Variants in SPTA1 observed in about 807,000 individuals in gnomAD.
SPTA1 encodes the protein spectrin alpha chain, erythrocytic 1.
SPTA1 carries 177 observed loss-of-function variants against 324.7 expected under a neutral mutation model. The observed-to-expected ratio is 0.55, with a 90% CI of 0.48 to 0.62. SPTA1 has a LOEUF of 0.62. SPTA1 is among the 20% of genes least tolerant of loss of function. The pLI is 0.00. For synonymous variants in SPTA1, 1,195 were observed against 1,041.3 expected (o/e 1.15, Z -2.84); for missense variants, 3,162 against 2,883.6 (o/e 1.10, Z -2.21).
chr1:158,673,332 T>A (rs1387023131), intron 10 of SPTA1, among the ~76,000 whole-genome samples: 1 of 152,152 alleles, frequency 6.6e-6, no homozygotes, highest in Non-Finnish European at 1.5e-5. Context: ...TGGCATCTAG[T>A]GAGATGCAAA....
At chr1:158,672,778 C>T (rs1210234088) in intron 10 of SPTA1, among the ~76,000 whole-genome samples, 1 of 151,964 alleles carries the variant, frequency 6.6e-6, no homozygotes, top group Non-Finnish European at 1.5e-5. Context: ...CTTGTTACAC[C>T]TGCAGCTGTA....
chr1:158,669,299 T>C, intron 14 of SPTA1, 109 bp downstream of exon 14: 1 of 1,456,406 alleles, frequency 6.9e-7, no homozygotes, highest in Non-Finnish European at 9.6e-7. Context: ...TTGTCATCTA[T>C]AAAATGAGGA....
rs1167071464 is a variant in SPTA1, at chr1:158,615,245, T to C, written c.6759A>G (p.Gln2253=). The change falls in exon 48 of 52, where the codon CAA becomes CAG. Residue 2253 remains glutamine (Q), a synonymous_variant. Coordinates refer to ENST00000643759, the MANE Select transcript of SPTA1 (RefSeq NM_003126.4). ...CCTGGATCTGTTGCTCCAGGTTGTG[T>C]TGCATCCGCAACCCAAGCTGGTAGA... ...DQLYQLGLRM[Q]HNLEQQIQAK... 19 of 1,613,512 alleles carry C rather than the reference T, an allele frequency of 1.2e-5. No individual in the cohort carries two copies. Among genetic ancestry groups the C allele is most frequent in the Non-Finnish European group, 1.5e-5 (18 of 1,180,008 alleles).
In SPTA1 at chr1:158,657,518, C is replaced by CT; in HGVS notation, c.2763_2764insA (p.Val922SerfsTer3). On this transcript the variant is annotated frameshift_variant, in exon 19 of 52. Transcript: ENST00000643759. LOFTEE classifies it high-confidence loss of function. ...TCAGCACCATAGTTAGTATTATCTA[C>CT]AATAGGTTCCTTCTCTCTGATCCAT... is the stretch of plus-strand genomic sequence containing the variant. 1 of 1,449,148 alleles carries CT rather than the reference C, an allele frequency of 6.9e-7. No individual in the cohort carries two copies. Among genetic ancestry groups the CT allele is most frequent in the Non-Finnish European group, 9.3e-7 (1 of 1,071,056 alleles). 89.8% of individuals were successfully genotyped at this position (1,449,148 alleles called of 1,614,324 possible).
chr1:158,686,565 G>GAGAT lies in SPTA1; in HGVS notation c.-49_-48insATCT. On this transcript the variant is annotated 5_prime_UTR_variant, in exon 1 of 52. An upstream open reading frame in the 5' UTR gains an earlier in-frame stop. Coordinates refer to ENST00000643759, the MANE Select transcript of SPTA1 (RefSeq NM_003126.4). ...GGCAAGATAAAATGTGTCAGAGAGA[G>GAGAT]AGAGAGAGAGAAATAATTCAAATGG... 2 of 1,430,446 alleles carry GAGAT rather than the reference G, an allele frequency of 1.4e-6. No homozygotes were observed. Among genetic ancestry groups the GAGAT allele is most frequent in the Non-Finnish European group, 2.0e-6 (2 of 1,014,152 alleles). The allele number at this position is 1,430,446 out of a possible 1,614,324, so 88.6% of individuals were successfully genotyped here.
rs1351299590 is a variant in SPTA1, at chr1:158,626,860, C to T, written c.5812G>A (p.Asp1938Asn). The change falls in exon 41 of 52, where the codon GAT becomes AAT. Residue 1938 changes from aspartate (D) to asparagine (N), a missense_variant. Transcript: ENST00000643759. ...YAFQEFNWKADVVEAWIADKE... is the reference protein window; with the variant it reads ...YAFQEFNWKANVVEAWIADKE... ...ATACCTATCCAAGCCTCTACCACAT[C>T]AGCCTTCCAGTTGAATTCCTGAAAG... 4 of 1,613,812 alleles carry T rather than the reference C, an allele frequency of 2.5e-6. No individual in the cohort carries two copies. Among genetic ancestry groups the T allele is most frequent in the Non-Finnish European group, 3.4e-6 (4 of 1,179,734 alleles).
In SPTA1 at chr1:158,674,774, G is replaced by A. The variant is rs145770002; in HGVS notation, c.1113-99C>T. ...TGGGGTGAGGTAAGATGTGTGAGAT[G>A]CTCCTTACTCTAATCCTAGGTTCCC... On this transcript the variant is annotated intron_variant, in intron 8 of 51. Transcript: ENST00000643759. 1.0e-4 allele frequency: 152 copies of A among 1,473,764 alleles called. No individual in the cohort carries two copies. In the African/African-American group the frequency reaches 1.8e-3, roughly 18 times the overall value. The allele number at this position is 1,473,764 out of a possible 1,614,324, so 91.3% of individuals were successfully genotyped here.
At chr1:158,617,237 C>T (rs1649612062) in intron 47 of SPTA1, among the ~76,000 whole-genome samples, 2 of 152,170 alleles carry the variant, frequency 1.3e-5, no homozygotes, top group Non-Finnish European at 2.9e-5. Context: ...CGTGAAACCA[C>T]CCACCCACTG....
intron 39 of SPTA1, among the ~76,000 whole-genome samples, chr1:158,632,902 G>GTCA (rs1031008735): frequency 3.9e-5 from 6 of 151,988 alleles, no homozygotes; most frequent in Non-Finnish European, 5.9e-5. Flanking sequence ...TTTTCTCATA[G>GTCA]TCATCAAAAA....
intron 5 of SPTA1, 141 bp from the exon 6 acceptor site, chr1:158,678,675 A>G (rs889719173): frequency 1.9e-6 from 2 of 1,057,072 alleles, no homozygotes; most frequent in Non-Finnish European, 2.8e-6. Flanking sequence ...GAACTTCATC[A>G]TAGCCCTCCT....
At chr1:158,629,599 GC>G (rs1650548480) in intron 39 of SPTA1, among the ~76,000 whole-genome samples, 1 of 151,942 alleles carries the variant, frequency 6.6e-6, no homozygotes, top group African/African-American at 2.4e-5. Flanking sequence ...GAAACTAAAA[GC>G]TTTTCCTTTA....
rs1184282319 is a variant in SPTA1 at position 158,662,812 on chromosome 1, C to A, written c.2354G>T (p.Arg785Leu). ...GAGAAGGTCTAAGAGCTTCTTCTTT[C>A]GGGTGGCCAGTGGCTCTTTCAGAGC... is the stretch of plus-strand genomic sequence containing the variant. ...FEALKEPLAT[R>L]KKKLLDLLHL... is the part of the protein sequence containing the mutation. Residue 785 changes from arginine to leucine, a missense_variant, in exon 17 of 52, where the codon CGA becomes CTA. Physicochemically the swap from Arg to Leu is moderately radical, Grantham distance 102. Coordinates refer to ENST00000643759, the MANE Select transcript of SPTA1 (RefSeq NM_003126.4). 6.2e-7 allele frequency: 1 copy of A among 1,614,036 alleles called. No individual in the cohort carries two copies. Among genetic ancestry groups the A allele is most frequent in the Non-Finnish European group, 8.5e-7 (1 of 1,179,984 alleles).
At chr1:158,673,979 T>C (rs1654214695) in intron 10 of SPTA1, among the ~76,000 whole-genome samples, 1 of 152,190 alleles carries the variant, frequency 6.6e-6, no homozygotes, top group African/African-American at 2.4e-5. Context: ...CCCTAAATAA[T>C]ACGGTATAAC....
chr1:158,661,516 C>T (rs1416262928), intron 17 of SPTA1, 107 bp from the exon 18 acceptor site: 2 of 1,433,710 alleles, frequency 1.4e-6, no homozygotes, highest in East Asian at 2.3e-5. Context: ...CTTTGAAGTT[C>T]TAACCATTGA....
At chr1:158,625,621 C>T (rs971476447) in intron 42 of SPTA1, among the ~76,000 whole-genome samples, 5 of 151,472 alleles carry the variant, frequency 3.3e-5, no homozygotes, top group African/African-American at 9.7e-5. Flanking sequence ...TTAAATAATA[C>T]ACTACCAAAT....
Position 158,642,498 on chromosome 1 carries a change from G to A in SPTA1, c.4650C>T (p.Gly1550=), listed in dbSNP as rs1651679298. 8 of 1,613,476 alleles carry A rather than the reference G, an allele frequency of 5.0e-6. No individual in the cohort carries two copies. Among genetic ancestry groups the A allele is most frequent in the Non-Finnish European group, 6.8e-6 (8 of 1,179,698 alleles). Residue 1550 remains glycine, a synonymous_variant, in exon 33 of 52, where the codon GGC becomes GGT. Transcript: ENST00000643759. ...KHQTFAHEVD[G]RSEQVHGVIN... ...TGACGCCATGCACCTGCTCAGATCG[G>A]CCATCGACTTCATGTGCAAAGGTCT...
At chr1:158,641,189 CT>C (rs1255393228) in intron 33 of SPTA1, among the ~76,000 whole-genome samples, 22 of 152,016 alleles carry the variant, frequency 1.4e-4, no homozygotes, top group Admixed American at 1.4e-3. Context: ...AATGTTAGAC[CT>C]AAAACCATAA....
chr1:158,669,414 A>C lies in SPTA1; in HGVS notation c.1827T>G (p.Asp609Glu), dbSNP rs1653839867. ...NKKKKLADDE[D>E]YKDIQNLKSR... ...TCCTGAAAACTCTGCCTACCTTGTA[A>C]TCTTCATCATCTGCCAACTTTTTCT... is the stretch of plus-strand genomic sequence containing the variant. The change falls in exon 14 of 52, where the codon GAT becomes GAG. Residue 609 changes from aspartate to glutamate, a missense_variant. Asp to Glu is a conservative substitution (Grantham distance 45). Coordinates refer to ENST00000643759, the MANE Select transcript of SPTA1 (RefSeq NM_003126.4). 6.2e-7 allele frequency: 1 copy of C among 1,613,998 alleles called. No individual in the cohort carries two copies. Among genetic ancestry groups the C allele is most frequent in the Admixed American group, 1.7e-5 (1 of 60,004 alleles).
At chr1:158,662,630 T>G in intron 17 of SPTA1, 72 bp downstream of exon 17, 1 of 1,605,630 alleles carries the variant, frequency 6.2e-7, no homozygotes, top group Non-Finnish European at 8.5e-7. Flanking sequence ...CCAACTACTG[T>G]ACCCCAGATC....
Sources: allele counts gnomAD v4.1 joint callset (sites outside exome capture counted in the v4.1 genomes callset), GRCh38; gene constraint gnomAD v4.1.1; transcripts MANE v1.5; gene names NCBI Gene and HGNC (gene_info 2026-07-23, HGNC 2026-07-21).